The following NTNG1 variants were observed in gnomAD, a reference collection of about 807,000 sequenced individuals.
NTNG1 encodes the protein netrin-G1.
In NTNG1, 16 loss-of-function variants were observed where a neutral mutation model predicts 54.0. The observed-to-expected ratio is 0.30, with a 90% confidence interval of 0.20 to 0.45. The LOEUF is 0.45. Among genes scored for constraint, NTNG1 ranks in the 20% least tolerant of loss-of-function variants. The probability of loss-of-function intolerance (pLI) is 1.00; values close to 1 mark genes in which losing one functional copy is unlikely to be tolerated. For synonymous variants in NTNG1, 255 were observed against 263.1 expected (o/e 0.97, Z 0.30); for missense variants, 530 against 678.7 (o/e 0.78, Z 2.43).
chr1:107,318,984 T>A (rs1667492601), intron 2 of NTNG1, among the ~76,000 whole-genome samples: 1 of 152,128 alleles, frequency 6.6e-6, no homozygotes, highest in African/African-American at 2.4e-5. Context: ...TCAGGGCTTG[T>A]TAGTATGTTT....
At position 107,456,544 on chromosome 1, in the gene NTNG1, G is replaced by T. The variant is rs189135611; in HGVS notation, c.1390+19745G>T. ...CTCTCAGAGCTCCCACCAGAATCAAGTAGAACCCTTGGTAGGCCTGCTCGC... is the reference window on the plus strand; with the variant it reads ...CTCTCAGAGCTCCCACCAGAATCAATTAGAACCCTTGGTAGGCCTGCTCGC... On this transcript the variant is annotated intron_variant, in intron 7 of 7. Transcript: ENST00000370068. 1.7e-3 allele frequency among the ~76,000 whole-genome samples: 263 copies of T among 152,254 alleles called. 2 individuals are homozygous for T. Among genetic ancestry groups the T allele is most frequent in the African/African-American group, 6.2e-3 (256 of 41,532 alleles).
At chr1:107,471,814 T>C (rs1677998140) in intron 7 of NTNG1, among the ~76,000 whole-genome samples, 1 of 152,240 alleles carries the variant, frequency 6.6e-6, no homozygotes, top group Non-Finnish European at 1.5e-5. Flanking sequence ...ATTGGATAAG[T>C]AGTGTTTAAT....
intron 3 of NTNG1, among the ~76,000 whole-genome samples, chr1:107,390,859 A>G (rs979821942): frequency 6.6e-6 from 1 of 152,212 alleles, no homozygotes; most frequent in Non-Finnish European, 1.5e-5. Flanking sequence ...GGATGACAGA[A>G]TAAGCAATTA....
intron 2 of NTNG1, among the ~76,000 whole-genome samples, chr1:107,253,443 C>A (rs1662737234): frequency 6.6e-6 from 1 of 152,182 alleles, no homozygotes; most frequent in African/African-American, 2.4e-5. Context: ...ATTCTAAATT[C>A]TCAGAATTAG....
Position 107,239,666 on chromosome 1 carries a change from A to T in NTNG1, c.247-84616A>T, listed in dbSNP as rs116547023. Among the ~76,000 whole-genome samples the T allele has an allele frequency of 2.6e-3, 397 of 152,310 alleles. 1 individual carries two copies. Among genetic ancestry groups the T allele is most frequent in the African/African-American group, 8.7e-3 (363 of 41,564 alleles). Reference sequence around the variant, plus strand: ...ACCCCTGACTGGTATAGGCCACTGGAGCCATGATGTTTAGTTATACTAAAG... The same window carrying T: ...ACCCCTGACTGGTATAGGCCACTGGTGCCATGATGTTTAGTTATACTAAAG... On this transcript the variant is annotated intron_variant, in intron 2 of 7. Transcript: ENST00000370068.
chr1:107,276,963 T>A (rs574329828), intron 2 of NTNG1, among the ~76,000 whole-genome samples: 14 of 152,136 alleles, frequency 9.2e-5, no homozygotes, highest in Non-Finnish European at 2.1e-4. Context: ...TGGGGAGAAC[T>A]GCTGTGAGGA....
chr1:107,428,752 G>T (rs1053759749), intron 5 of NTNG1, among the ~76,000 whole-genome samples: 4 of 152,082 alleles, frequency 2.6e-5, no homozygotes, highest in Admixed American at 6.6e-5. Flanking sequence ...AAACATAGAA[G>T]GCTCTAGAAG....
chr1:107,330,087 A>T (rs1405121035), intron 3 of NTNG1, among the ~76,000 whole-genome samples: 2 of 152,070 alleles, frequency 1.3e-5, no homozygotes, highest in African/African-American at 4.8e-5. Context: ...GAAAGAATGG[A>T]TATCCTAGGC....
At chr1:107,286,746 A>C (rs1034886052) in intron 2 of NTNG1, among the ~76,000 whole-genome samples, 8 of 152,154 alleles carry the variant, frequency 5.3e-5, no homozygotes, top group African/African-American at 1.4e-4. Flanking sequence ...GCTGGTAGTA[A>C]GTTTATTTAC....
At position 107,235,816 on chromosome 1, in the gene NTNG1, G is replaced by A. The variant is rs569300034; in HGVS notation, c.246+86977G>A. ...AGCCAGGGAAGGATATTGGGAGATG[G>A]TGGGAGGGAGATTAGCTATGCCCCT... On this transcript the variant is annotated intron_variant, in intron 2 of 7. Coordinates refer to ENST00000370068, the MANE Select transcript of NTNG1 (RefSeq NM_001113226.3). 2.0e-5 allele frequency among the ~76,000 whole-genome samples: 3 copies of A among 152,292 alleles called. No homozygotes were observed. In the East Asian group the frequency reaches 5.8e-4, roughly 29 times the overall value.
At chr1:107,421,930 T>A (rs554904776) in intron 5 of NTNG1, among the ~76,000 whole-genome samples, 1 of 152,256 alleles carries the variant, frequency 6.6e-6, no homozygotes, top group East Asian at 1.9e-4. Flanking sequence ...AATGCATTTA[T>A]TAATAAAATC....
intron 3 of NTNG1, among the ~76,000 whole-genome samples, chr1:107,325,954 T>C (rs920472138): frequency 3.3e-5 from 5 of 152,142 alleles, no homozygotes; most frequent in African/African-American, 1.2e-4. Context: ...CAGGATTGAT[T>C]CAATTTATTG....
intron 7 of NTNG1, among the ~76,000 whole-genome samples, chr1:107,471,330 C>T (rs1677963580): frequency 6.6e-6 from 1 of 152,194 alleles, no homozygotes; most frequent in East Asian, 1.9e-4. Context: ...GTACCACTGT[C>T]TTCAGATGCA....
At chr1:107,169,501 A>AG (rs1264685958) in intron 2 of NTNG1, among the ~76,000 whole-genome samples, 1 of 152,070 alleles carries the variant, frequency 6.6e-6, no homozygotes, top group Admixed American at 6.6e-5. Context: ...GTTCATATGA[A>AG]GTGCCAAGAA....
intron 7 of NTNG1, 23 bp from the exon 8 acceptor site, chr1:107,480,588 C>CCAAACA: frequency 8.9e-7 from 1 of 1,119,760 alleles, no homozygotes; most frequent in Non-Finnish European, 1.3e-6. Flanking sequence ...CCACCCACCC[C>CCAAACA]TACCTTCCCC....
At chr1:107,201,666 C>G (rs767750870) in intron 2 of NTNG1, among the ~76,000 whole-genome samples, 2 of 151,850 alleles carry the variant, frequency 1.3e-5, no homozygotes, top group Non-Finnish European at 2.9e-5. Context: ...TTGCCTAGAA[C>G]GTATCAAACC....
At chr1:107,469,476 C>A (rs911232213) in intron 7 of NTNG1, among the ~76,000 whole-genome samples, 1 of 152,102 alleles carries the variant, frequency 6.6e-6, no homozygotes, top group African/African-American at 2.4e-5. Flanking sequence ...TTTATTTTAT[C>A]TTATTTTATT....
At chr1:107,389,333 T>C (rs750045056) in intron 3 of NTNG1, among the ~76,000 whole-genome samples, 4 of 152,178 alleles carry the variant, frequency 2.6e-5, no homozygotes, top group Non-Finnish European at 4.4e-5. Context: ...ACCTCTATTT[T>C]GAACATTAGT....
intron 2 of NTNG1, among the ~76,000 whole-genome samples, chr1:107,296,614 T>C (rs1001991289): frequency 9.4e-5 from 14 of 148,156 alleles, no homozygotes; most frequent in Non-Finnish European, 1.9e-4. Context: ...TTTATATGAA[T>C]ATATATTATT....
Sources: allele counts gnomAD v4.1 joint callset (sites outside exome capture counted in the v4.1 genomes callset), GRCh38; gene constraint gnomAD v4.1.1; transcripts MANE v1.5; gene names NCBI Gene and HGNC (gene_info 2026-07-23, HGNC 2026-07-21).